The following C12orf42 variants were observed in gnomAD, a reference collection of about 807,000 sequenced individuals.
The protein encoded by C12orf42 is uncharacterized protein C12orf42.
In C12orf42, 25 loss-of-function variants were observed where a neutral mutation model predicts 21.6. The ratio of observed to expected loss-of-function variants is 1.16; its 90% CI spans 0.84 to 1.62. The LOEUF (loss-of-function observed/expected upper bound fraction) is 1.62. Among genes scored for constraint, C12orf42 ranks in the 40% most tolerant of loss-of-function variants. The pLI is 0.00. For synonymous variants in C12orf42, 174 were observed against 175.0 expected, an observed-to-expected ratio of 0.99 and a Z score of 0.05; for missense variants, 483 against 459.3, an observed-to-expected ratio of 1.05 and a Z score of -0.47.
the C12orf42 span, among the ~76,000 whole-genome samples, chr12:103,089,481 C>T: frequency 7.2e-5 from 11 of 152,194 alleles, no homozygotes; most frequent in Non-Finnish European, 1.3e-4. Context: ...TCTTCTGATT[C>T]ATACTGGCCC....
the C12orf42 span, among the ~76,000 whole-genome samples, chr12:103,086,514 G>A: frequency 3.3e-5 from 5 of 149,698 alleles, no homozygotes; most frequent in Non-Finnish European, 7.4e-5. Context: ...CAGGCAATAC[G>A]AGATAATCTT....
At chr12:103,469,480 G>T (rs749090694) in intron 2 of C12orf42, among the ~76,000 whole-genome samples, 1 of 152,074 alleles carries the variant, frequency 6.6e-6, no homozygotes, top group Non-Finnish European at 1.5e-5. Context: ...CAAATTTATT[G>T]TGTATGAATA....
chr12:103,530,631 G>A, the C12orf42 span, among the ~76,000 whole-genome samples: 1 of 152,088 alleles, frequency 6.6e-6, no homozygotes, highest in African/African-American at 2.4e-5. Flanking sequence ...GTGTTCGGGG[G>A]GGGAAAACCC....
intron 5 of C12orf42, among the ~76,000 whole-genome samples, chr12:103,303,541 G>A (rs1198541916): frequency 6.6e-6 from 1 of 152,000 alleles, no homozygotes; most frequent in Admixed American, 6.6e-5. Flanking sequence ...AGAATATTTG[G>A]AGCAACTCAG....
intron 2 of C12orf42, among the ~76,000 whole-genome samples, chr12:103,462,491 A>T (rs1268160500): frequency 1.3e-5 from 2 of 152,156 alleles, no homozygotes; most frequent in African/African-American, 4.8e-5. Context: ...ATGATATCTC[A>T]GTAACATCAT....
the C12orf42 span, among the ~76,000 whole-genome samples, chr12:103,229,255 A>T: frequency 6.6e-6 from 1 of 152,150 alleles, no homozygotes; most frequent in Non-Finnish European, 1.5e-5. Flanking sequence ...GTCTTCATTT[A>T]TCAGTTAGGA....
chr12:103,321,270 A>G (rs2136865564), intron 4 of C12orf42, among the ~76,000 whole-genome samples: 2 of 151,792 alleles, frequency 1.3e-5, no homozygotes, highest in African/African-American at 4.8e-5. Flanking sequence ...AAAAATGCTC[A>G]TCATCACTGG....
downstream of C12orf42, among the ~76,000 whole-genome samples, chr12:103,237,005 G>T (rs961220285): frequency 2.0e-5 from 3 of 152,122 alleles, no homozygotes; most frequent in Admixed American, 1.3e-4. Flanking sequence ...TCTGCAAAAG[G>T]TGCATTAATA....
chr12:103,339,957 C>CA (rs1333516236), intron 4 of C12orf42, among the ~76,000 whole-genome samples: 4 of 151,982 alleles, frequency 2.6e-5, no homozygotes, highest in South Asian at 2.1e-4. Context: ...ACAGCTGCTA[C>CA]AAAAAAAATT....
chr12:103,194,130 C>T, the C12orf42 span, among the ~76,000 whole-genome samples: 2 of 127,096 alleles, frequency 1.6e-5, no homozygotes, highest in South Asian at 5.5e-4. Flanking sequence ...ACATCTCATG[C>T]TAAAAAAAAA....
chr12:103,116,320 C>T, the C12orf42 span, among the ~76,000 whole-genome samples: 516 of 150,126 alleles, frequency 3.4e-3, 1 homozygote, highest in African/African-American at 0.012. Flanking sequence ...GCTGAGATCA[C>T]GCCATTGCAC....
At chr12:103,297,580 G>A (rs1393355347), downstream of C12orf42, among the ~76,000 whole-genome samples, 3 of 152,094 alleles carry the variant, frequency 2.0e-5, no homozygotes, top group Non-Finnish European at 4.4e-5. Context: ...TAGAAAAAGA[G>A]GGAATCCTCC....
intron 2 of C12orf42, among the ~76,000 whole-genome samples, chr12:103,414,690 C>T (rs1186816184): frequency 3.3e-5 from 5 of 152,116 alleles, no homozygotes; most frequent in Non-Finnish European, 7.4e-5. Flanking sequence ...ATTTCACACT[C>T]ATCCTAGAAG....
the C12orf42 span, among the ~76,000 whole-genome samples, chr12:103,215,762 C>T: frequency 6.6e-6 from 1 of 152,190 alleles, no homozygotes; most frequent in African/African-American, 2.4e-5. Context: ...GTGATGTCCA[C>T]CCTTAGACAG....
At chr12:103,236,181 T>C (rs976762329), downstream of C12orf42, among the ~76,000 whole-genome samples, 1 of 152,186 alleles carries the variant, frequency 6.6e-6, no homozygotes, top group Non-Finnish European at 1.5e-5. Context: ...ATTGTGAACC[T>C]GGTGTGTATT....
At chr12:103,114,619 C>A in the C12orf42 span, among the ~76,000 whole-genome samples, 2 of 152,290 alleles carry the variant, frequency 1.3e-5, no homozygotes, top group South Asian at 4.1e-4. Flanking sequence ...TTCTCTGCCC[C>A]TCAGCTTTGT....
At chr12:103,104,251 T>C in the C12orf42 span, among the ~76,000 whole-genome samples, 1 of 152,158 alleles carries the variant, frequency 6.6e-6, no homozygotes, top group African/African-American at 2.4e-5. Context: ...CATACACGTA[T>C]TGATGAAATA....
chr12:103,138,775 C>A, the C12orf42 span, among the ~76,000 whole-genome samples: 6 of 152,156 alleles, frequency 3.9e-5, no homozygotes, highest in African/African-American at 1.4e-4. Flanking sequence ...AGCCACTTCA[C>A]GCTCCACTTT....
the C12orf42 span, among the ~76,000 whole-genome samples, chr12:103,130,418 G>A: frequency 6.6e-6 from 1 of 151,316 alleles, no homozygotes; most frequent in African/African-American, 2.4e-5. Flanking sequence ...CACTTGCATT[G>A]TGGTTTTCAA....
Sources: allele counts gnomAD v4.1 joint callset (sites outside exome capture counted in the v4.1 genomes callset), GRCh38; gene constraint gnomAD v4.1.1; transcripts MANE v1.5; gene names NCBI Gene and HGNC (gene_info 2026-07-23, HGNC 2026-07-21).